The following HOOK3 variants were observed in gnomAD, a reference collection of about 807,000 sequenced individuals.
HOOK3 encodes protein Hook homolog 3.
In HOOK3, 24 loss-of-function variants were observed where a neutral mutation model predicts 116.3. That is an observed-to-expected ratio of 0.21 (90% CI 0.15 to 0.29). The LOEUF is 0.29. HOOK3 is among the 10% of genes least tolerant of loss of function. HOOK3 has a pLI of 1.00. For synonymous variants in HOOK3, 275 were observed against 283.0 expected (o/e 0.97, Z 0.28); for missense variants, 632 against 830.2 (o/e 0.76, Z 2.93).
At position 43,024,352 on chromosome 8, in the gene HOOK3, A is replaced by C. The variant is rs1293000557; in HGVS notation, c.*5854A>C. 5.2e-6 allele frequency: 1 copy of C among 193,606 alleles called. No homozygotes were observed. Among genetic ancestry groups the C allele is most frequent in the Non-Finnish European group, 1.1e-5 (1 of 92,806 alleles). The allele number at this position is 193,606 out of a possible 1,614,324, so 12.0% of individuals were successfully genotyped here. A position where few individuals can be genotyped will look rare whatever the true frequency, so the allele number is the denominator to read the frequency against. ...GTAATACCATACAGTAGGATGAAAGACTATTCTGAGCAAAATCAAATGGGA... is the reference window on the plus strand; with the variant it reads ...GTAATACCATACAGTAGGATGAAAGCCTATTCTGAGCAAAATCAAATGGGA... On this transcript the variant is annotated 3_prime_UTR_variant, in exon 22 of 22. Transcript: ENST00000307602.
chr8:43,013,278 T>G (rs1809647273), intron 20 of HOOK3, 51 bp from the exon 21 acceptor site: 1 of 1,455,400 alleles, frequency 6.9e-7, no homozygotes, highest in East Asian at 2.3e-5. Flanking sequence ...TTATTTATAT[T>G]GAGTTATTTT....
In HOOK3 at chr8:42,977,886, C is replaced by G. The variant is rs1808858291; in HGVS notation, c.1321+3692C>G. On this transcript the variant is annotated intron_variant, in intron 13 of 21. Coordinates refer to ENST00000307602, the MANE Select transcript of HOOK3 (RefSeq NM_032410.4). ...TGTCTCCAAAAAAAGAAAAAACAAACAAAAAACAAAAACACTTAACCATTA... is the reference window on the plus strand; with the variant it reads ...TGTCTCCAAAAAAAGAAAAAACAAAGAAAAAACAAAAACACTTAACCATTA... 2.0e-5 allele frequency among the ~76,000 whole-genome samples: 3 copies of G among 151,930 alleles called. No individual in the cohort carries two copies. The South Asian group carries it at 6.2e-4, about 32-fold the overall frequency.
At chr8:42,999,696 T>C (rs1162977229) in intron 16 of HOOK3, among the ~76,000 whole-genome samples, 2 of 152,202 alleles carry the variant, frequency 1.3e-5, no homozygotes, top group African/African-American at 4.8e-5. Context: ...ATTTTTATTA[T>C]TATTTTTATG....
At chr8:42,906,133 C>T (rs1189395684) in intron 1 of HOOK3, 40 bp from the exon 2 acceptor site, 4 of 1,153,014 alleles carry the variant, frequency 3.5e-6, no homozygotes, top group Non-Finnish European at 5.0e-6. Context: ...ACAGAGGTAA[C>T]CACAGAATCT....
chr8:42,972,155 C>T (rs1808738904), intron 11 of HOOK3, among the ~76,000 whole-genome samples: 1 of 150,658 alleles, frequency 6.6e-6, no homozygotes, highest in Non-Finnish European at 1.5e-5. Flanking sequence ...TCTTTATGGC[C>T]TTTGTAATTT....
intron 2 of HOOK3, among the ~76,000 whole-genome samples, chr8:42,916,198 G>A (rs369362122): frequency 3.7e-4 from 56 of 152,276 alleles, no homozygotes; most frequent in South Asian, 3.3e-3. Flanking sequence ...TATTGCCGCC[G>A]CCTCTTATCC....
intron 11 of HOOK3, among the ~76,000 whole-genome samples, chr8:42,970,584 G>A (rs1808707832): frequency 6.6e-6 from 1 of 151,906 alleles, no homozygotes; most frequent in Admixed American, 6.6e-5. Flanking sequence ...AGTTACTGTT[G>A]GGTACTTTTG....
chr8:42,961,251 T>C (rs759778567), intron 8 of HOOK3, among the ~76,000 whole-genome samples: 5 of 152,262 alleles, frequency 3.3e-5, no homozygotes, highest in Non-Finnish European at 5.9e-5. Flanking sequence ...ACCATATCAC[T>C]CTGCATAGCA....
At chr8:42,927,807 A>C (rs1807797499) in intron 3 of HOOK3, among the ~76,000 whole-genome samples, 1 of 152,038 alleles carries the variant, frequency 6.6e-6, no homozygotes, top group Non-Finnish European at 1.5e-5. Flanking sequence ...GTCATGCTAT[A>C]TGCTCAGTCC....
intron 1 of HOOK3, among the ~76,000 whole-genome samples, chr8:42,897,782 T>C (rs1252918317): frequency 6.6e-6 from 1 of 152,270 alleles, no homozygotes; most frequent in Non-Finnish European, 1.5e-5. Flanking sequence ...TGATTTTGAA[T>C]TCTTAAACGG....
chr8:42,998,110 C>A (rs370760188), intron 16 of HOOK3: 1 of 206,058 alleles, frequency 4.9e-6, no homozygotes, highest in Non-Finnish European at 9.7e-6. Context: ...CTTTTTTGCA[C>A]ATCCCCCAGC....
chr8:42,990,905 T>C (rs1462173905), intron 15 of HOOK3, among the ~76,000 whole-genome samples: 1 of 152,208 alleles, frequency 6.6e-6, no homozygotes, highest in African/African-American at 2.4e-5. Context: ...CCCACACCAA[T>C]GTCCAGTTTT....
intron 17 of HOOK3, among the ~76,000 whole-genome samples, chr8:43,003,719 G>A (rs980848837): frequency 2.0e-5 from 3 of 152,158 alleles, no homozygotes; most frequent in African/African-American, 4.8e-5. Context: ...GAGGTTTGGA[G>A]GGACAATCTG....
intron 2 of HOOK3, among the ~76,000 whole-genome samples, chr8:42,906,985 G>C (rs1398151484): frequency 6.6e-6 from 1 of 152,164 alleles, no homozygotes; most frequent in Non-Finnish European, 1.5e-5. Context: ...GATAAATAAA[G>C]CATACCCAAT....
intron 4 of HOOK3, among the ~76,000 whole-genome samples, chr8:42,942,588 A>G (rs1808149299): frequency 6.6e-6 from 1 of 151,518 alleles, no homozygotes; most frequent in African/African-American, 2.4e-5. Context: ...TTAAAATTTT[A>G]TTTTCTTTCA....
At chr8:42,949,281 C>A (rs1808293786) in intron 5 of HOOK3, 1 of 152,182 alleles carries the variant, frequency 6.6e-6, no homozygotes, top group Non-Finnish European at 1.5e-5. Context: ...TCAAGTTTGT[C>A]ATTACTAATA....
chr8:43,007,152 G>A (rs1472388456), intron 17 of HOOK3, among the ~76,000 whole-genome samples: 2 of 150,990 alleles, frequency 1.3e-5, no homozygotes, highest in East Asian at 3.9e-4. Context: ...CATGTAGCTG[G>A]GATTACAAGC....
At chr8:42,918,135 C>A (rs796946149) in intron 2 of HOOK3, among the ~76,000 whole-genome samples, 9 of 152,242 alleles carry the variant, frequency 5.9e-5, no homozygotes, top group African/African-American at 1.9e-4. Context: ...GTTAGGAGTT[C>A]GAGACCAGCC....
chr8:42,941,886 C>A (rs1347215442), intron 4 of HOOK3, among the ~76,000 whole-genome samples: 1 of 152,182 alleles, frequency 6.6e-6, no homozygotes, highest in Non-Finnish European at 1.5e-5. Context: ...CCACCTATAA[C>A]TATATGGTCT....
Sources: allele counts gnomAD v4.1 joint callset (sites outside exome capture counted in the v4.1 genomes callset), GRCh38; gene constraint gnomAD v4.1.1; transcripts MANE v1.5; gene names NCBI Gene and HGNC (gene_info 2026-07-23, HGNC 2026-07-21).